PRMT8: variants seen among roughly 807,000 people sequenced by gnomAD.
PRMT8 encodes the protein protein arginine methyltransferase 8, also known as protein arginine N-methyltransferase 8.
A neutral mutation model predicts 47.1 loss-of-function variants in PRMT8; 7 were observed. That is an observed-to-expected ratio of 0.15 (90% CI 0.08 to 0.28). The LOEUF (loss-of-function observed/expected upper bound fraction) is 0.28, where lower values mean the gene tolerates loss of function less well. Among genes scored for constraint, PRMT8 ranks in the 10% least tolerant of loss-of-function variants. The probability of loss-of-function intolerance (pLI) is 1.00; values close to 1 mark genes in which losing one functional copy is unlikely to be tolerated. For missense variants in PRMT8, 237 were observed against 505.4 expected (o/e 0.47, Z 5.09); for synonymous variants, 188 against 186.5 (o/e 1.01, Z -0.07).
chr12:3,560,967 G>A (rs1386873830), intron 4 of PRMT8, among the ~76,000 whole-genome samples: 1 of 152,170 alleles, frequency 6.6e-6, no homozygotes, highest in African/African-American at 2.4e-5. Context: ...TCAGCTACAG[G>A]TCATTTCAGG....
At chr12:3,477,926 T>G (rs2137099419) in intron 1 of PRMT8, among the ~76,000 whole-genome samples, 1 of 152,346 alleles carries the variant, frequency 6.6e-6, no homozygotes, top group Non-Finnish European at 1.5e-5. Context: ...GATGTTTTCC[T>G]TCCTTTCTCT....
chr12:3,420,386 C>G (rs188391850), intron 1 of PRMT8, among the ~76,000 whole-genome samples: 1 of 152,250 alleles, frequency 6.6e-6, no homozygotes, highest in East Asian at 1.9e-4. Context: ...GTGCAGATGT[C>G]TTTTTGTTTG....
At chr12:3,545,884 C>G (rs1161153535) in intron 2 of PRMT8, among the ~76,000 whole-genome samples, 2 of 152,184 alleles carry the variant, frequency 1.3e-5, no homozygotes, top group Non-Finnish European at 2.9e-5. Flanking sequence ...ATTTTTAGAA[C>G]ATTTCATCCC....
At chr12:3,389,472 T>C (rs750068335) in intron 1 of PRMT8, among the ~76,000 whole-genome samples, 8 of 152,224 alleles carry the variant, frequency 5.3e-5, no homozygotes, top group South Asian at 2.1e-4. Flanking sequence ...CTTTCCTTCC[T>C]TCCTTCCTTC....
chr12:3,407,085 C>T (rs141915781), intron 1 of PRMT8, among the ~76,000 whole-genome samples: 2 of 152,280 alleles, frequency 1.3e-5, no homozygotes, highest in East Asian at 3.9e-4. Flanking sequence ...GAAAGGGAAG[C>T]AAACATGTCC....
chr12:3,430,643 A>C (rs889622480), intron 1 of PRMT8, among the ~76,000 whole-genome samples: 1 of 152,260 alleles, frequency 6.6e-6, no homozygotes, highest in Non-Finnish European at 1.5e-5. Context: ...GTAGTTTCAC[A>C]TCACTTAATT....
rs1225922417 is a variant in PRMT8 at position 3,576,409 on chromosome 12, A to G, written c.713-462A>G. ...TGCATTAAAGGTTCAGTGGATGGGG[A>G]CAGGAAAAGGGAGAGAGATGGGCCT... On this transcript the variant is annotated intron_variant, in intron 6 of 9. Coordinates refer to ENST00000382622, the MANE Select transcript of PRMT8 (RefSeq NM_019854.5). The surrounding 1 kb of genome is among the most constrained non-coding windows in gnomAD (Gnocchi z 4.0). 1.3e-5 allele frequency among the ~76,000 whole-genome samples: 2 copies of G among 152,212 alleles called. No individual in the cohort carries two copies. The highest frequency in any genetic ancestry group is 4.8e-5 in the African/African-American group (2 of 41,458).
intron 1 of PRMT8, among the ~76,000 whole-genome samples, chr12:3,472,090 G>A (rs1044856716): frequency 6.6e-6 from 1 of 152,158 alleles, no homozygotes; most frequent in African/African-American, 2.4e-5. Flanking sequence ...AATGGCCATC[G>A]TACTGTTCCT....
intron 1 of PRMT8, among the ~76,000 whole-genome samples, chr12:3,507,282 C>T (rs865914091): frequency 8.6e-5 from 13 of 151,974 alleles, no homozygotes; most frequent in African/African-American, 1.9e-4. Flanking sequence ...CCACTGCGCC[C>T]GGCTAATTTT....
chr12:3,396,506 A>C (rs1224494909), intron 1 of PRMT8, among the ~76,000 whole-genome samples: 1 of 152,194 alleles, frequency 6.6e-6, no homozygotes, highest in Non-Finnish European at 1.5e-5. Context: ...TTCTGGGTTG[A>C]AAATTCTTTT....
At chr12:3,465,185 T>G (rs1050020043) in intron 1 of PRMT8, among the ~76,000 whole-genome samples, 1 of 144,264 alleles carries the variant, frequency 6.9e-6, no homozygotes, top group African/African-American at 2.5e-5. Flanking sequence ...ATATATATAT[T>G]TTATAAATAT....
chr12:3,435,285 C>T lies in PRMT8; in HGVS notation c.48+53843C>T, dbSNP rs571460601. ...GGTCCAGCCTGCTTTGCTCTTTACA[C>T]GCTGCAGAAAGGGCGTTGAGCTGGT... is the stretch of plus-strand genomic sequence containing the variant. On this transcript the variant is annotated intron_variant, in intron 1 of 9. Transcript: ENST00000452611. 7.9e-5 allele frequency among the ~76,000 whole-genome samples: 12 copies of T among 152,102 alleles called. No individual in the cohort carries two copies. The South Asian group carries it at 1.0e-3, about 13-fold the overall frequency.
intron 1 of PRMT8, among the ~76,000 whole-genome samples, chr12:3,419,768 T>C (rs1056424722): frequency 6.6e-5 from 10 of 151,774 alleles, no homozygotes; most frequent in Non-Finnish European, 1.5e-4. Context: ...CTCAATGGCC[T>C]CGAGTTAAAT....
At chr12:3,531,366 G>A (rs1302232629) in intron 1 of PRMT8, among the ~76,000 whole-genome samples, 2 of 152,196 alleles carry the variant, frequency 1.3e-5, no homozygotes, top group Non-Finnish European at 2.9e-5. Context: ...ATGAGGAAGA[G>A]CCAAGCATCC....
At position 3,410,481 on chromosome 12, in the gene PRMT8, T is replaced by TTTG. The variant is rs199596456; in HGVS notation, c.48+29055_48+29057dup. Among the ~76,000 whole-genome samples, 98 of 152,260 alleles carry TTTG rather than the reference T, an allele frequency of 6.4e-4. 2 individuals carry two copies. In the East Asian group the frequency reaches 0.013, roughly 21 times the overall value. On this transcript the variant is annotated intron_variant, in intron 1 of 9. Transcript: ENST00000452611. ...GACCCTTGCATTTTACTTGCTTTTC[T>TTTG]TTGTTGTTGTTGTTGTTGGTTTTCT... is the stretch of plus-strand genomic sequence containing the variant.
upstream of PRMT8, among the ~76,000 whole-genome samples, chr12:3,490,400 T>C (rs1038186818): frequency 6.6e-6 from 1 of 151,938 alleles, no homozygotes. Flanking sequence ...CAAACTCCCT[T>C]AAAAAAGGAT....
At chr12:3,575,259 A>G in intron 6 of PRMT8, among the ~76,000 whole-genome samples, 1 of 152,224 alleles carries the variant, frequency 6.6e-6, no homozygotes, top group South Asian at 2.1e-4. Flanking sequence ...CTCCTGCCGC[A>G]CACACCCACT....
intron 1 of PRMT8, among the ~76,000 whole-genome samples, chr12:3,513,865 A>G (rs1484075240): frequency 6.6e-6 from 1 of 152,258 alleles, no homozygotes; most frequent in Non-Finnish European, 1.5e-5. Flanking sequence ...CATTCCCTAC[A>G]GTATGTTATT....
intron 1 of PRMT8, among the ~76,000 whole-genome samples, chr12:3,486,200 G>A (rs1448519868): frequency 6.6e-6 from 1 of 152,076 alleles, no homozygotes; most frequent in Non-Finnish European, 1.5e-5. Flanking sequence ...TTCTGGTTGA[G>A]GCCCTACAGC....
Sources: gnomAD v4.1 joint callset for allele counts (sites outside exome capture counted in the v4.1 genomes callset) on GRCh38, gnomAD v4.1.1 for gene constraint, Gnocchi (gnomAD v3.1) non-coding constraint, MANE v1.5 for transcripts, NCBI Gene and HGNC (gene_info 2026-07-23, HGNC 2026-07-21) for gene names.